PSD3: variants seen among roughly 807,000 people sequenced by gnomAD.
The protein encoded by PSD3 is PH and SEC7 domain-containing protein 3.
In PSD3, 49 loss-of-function variants were observed where a neutral mutation model predicts 105.5. That is an observed-to-expected ratio of 0.46 (90% CI 0.37 to 0.59). The LOEUF (loss-of-function observed/expected upper bound fraction) is 0.59, where lower values mean the gene tolerates loss of function less well. Among genes scored for constraint, PSD3 ranks in the 20% least tolerant of loss-of-function variants. The pLI is 0.00. For missense variants in PSD3, 1,561 were observed against 1,263.8 expected (o/e 1.24, Z -3.57); for synonymous variants, 557 against 457.8 (o/e 1.22, Z -2.77).
intron 1 of PSD3, among the ~76,000 whole-genome samples, chr8:18,999,085 A>G (rs979101439): frequency 4.6e-5 from 7 of 152,068 alleles, no homozygotes; most frequent in African/African-American, 4.8e-5. Flanking sequence ...TGTACACAAC[A>G]TAAGTGATGT....
chr8:18,757,493 G>A lies in PSD3; in HGVS notation c.2172+7956C>T, dbSNP rs923935721. On this transcript the variant is annotated intron_variant, in intron 9 of 15. Coordinates refer to ENST00000327040, the MANE Select transcript of PSD3 (RefSeq NM_015310.4). ...AAACAAACAAACAAACATTAACTGC[G>A]TAGAGAAAATTCAGATTCTACTCTT... Among the ~76,000 whole-genome samples, 4 of 151,930 alleles carry A rather than the reference G, an allele frequency of 2.6e-5. No homozygotes were observed. The East Asian group carries it at 7.7e-4, about 29-fold the overall frequency.
At chr8:18,629,871 A>T (rs1301614271) in intron 11 of PSD3, among the ~76,000 whole-genome samples, 2 of 151,984 alleles carry the variant, frequency 1.3e-5, no homozygotes, top group African/African-American at 4.8e-5. Flanking sequence ...ATTAGAAACC[A>T]TGCACATTCT....
intron 4 of PSD3, among the ~76,000 whole-genome samples, chr8:18,838,412 G>A (rs1216247177): frequency 3.3e-5 from 5 of 152,116 alleles, no homozygotes; most frequent in Admixed American, 2.6e-4. Flanking sequence ...CTTCATAAAT[G>A]TAAATATTAT....
chr8:18,752,693 G>T (rs1378633226), intron 9 of PSD3, among the ~76,000 whole-genome samples: 6 of 99,620 alleles, frequency 6.0e-5, no homozygotes, highest in Admixed American at 1.3e-4. Flanking sequence ...AATCATATAT[G>T]ATATAATATA....
At chr8:18,542,436 T>A (rs1800204674) in intron 15 of PSD3, among the ~76,000 whole-genome samples, 1 of 152,248 alleles carries the variant, frequency 6.6e-6, no homozygotes, top group Non-Finnish European at 1.5e-5. Context: ...GGACGGAATC[T>A]GCTGTTGGTA....
intron 9 of PSD3, among the ~76,000 whole-genome samples, chr8:18,709,489 G>A (rs898054713): frequency 1.1e-4 from 16 of 152,198 alleles, no homozygotes; most frequent in African/African-American, 3.9e-4. Context: ...TCTGCCAAGG[G>A]GCAGCCAGGC....
At chr8:18,747,096 T>C (rs1156239675) in intron 9 of PSD3, among the ~76,000 whole-genome samples, 1 of 152,228 alleles carries the variant, frequency 6.6e-6, no homozygotes, top group Admixed American at 6.5e-5. Context: ...GATTTTAAGA[T>C]TGAAAAGGGC....
chr8:18,887,810 C>T (rs540711959), intron 2 of PSD3, among the ~76,000 whole-genome samples: 32 of 152,184 alleles, frequency 2.1e-4, no homozygotes, highest in South Asian at 1.9e-3. Flanking sequence ...ATTTGGAGAA[C>T]GTTTCTGATA....
chr8:18,685,756 T>C (rs1276720931), intron 9 of PSD3, among the ~76,000 whole-genome samples: 1 of 152,196 alleles, frequency 6.6e-6, no homozygotes, highest in African/African-American at 2.4e-5. Flanking sequence ...AGTTCTAACT[T>C]AAGCAGACGA....
chr8:18,875,374 G>T (rs909792172), intron 2 of PSD3, among the ~76,000 whole-genome samples: 1 of 152,108 alleles, frequency 6.6e-6, no homozygotes, highest in Non-Finnish European at 1.5e-5. Flanking sequence ...TGAAAAAGAT[G>T]ATAGCTAAAA....
At chr8:18,894,787 G>C (rs542779334) in intron 2 of PSD3, among the ~76,000 whole-genome samples, 1 of 152,130 alleles carries the variant, frequency 6.6e-6, no homozygotes, top group Non-Finnish European at 1.5e-5. Flanking sequence ...AAAATACAAA[G>C]TAAACCATAA....
chr8:18,620,949 A>G (rs1410608522), intron 11 of PSD3, among the ~76,000 whole-genome samples: 4 of 152,234 alleles, frequency 2.6e-5, no homozygotes, highest in Non-Finnish European at 4.4e-5. Flanking sequence ...TTAAACCGAA[A>G]TCATAAACAG....
chr8:18,811,633 G>A lies in PSD3; in HGVS notation c.1635-6735C>T, dbSNP rs989732259. On this transcript the variant is annotated intron_variant, in intron 4 of 15. Coordinates refer to ENST00000327040, the MANE Select transcript of PSD3 (RefSeq NM_015310.4). The stretch of plus-strand genomic sequence containing the variant: ...GCCTCATGGAGAAGGCAACATTTGA[G>A]CAAGATGTAAAGGAGATAAGCCTTG... Among the ~76,000 whole-genome samples, 14 of 152,144 alleles carry A rather than the reference G, an allele frequency of 9.2e-5. 1 individual carries two copies. Among genetic ancestry groups the A allele is most frequent in the Admixed American group, 7.2e-4 (11 of 15,276 alleles).
chr8:18,931,785 G>C (rs901719895), intron 2 of PSD3, among the ~76,000 whole-genome samples: 1 of 152,192 alleles, frequency 6.6e-6, no homozygotes, highest in African/African-American at 2.4e-5. Context: ...CTCAGAGCCT[G>C]TTTACTCTGA....
At chr8:18,803,657 A>G (rs1810935938) in intron 6 of PSD3, among the ~76,000 whole-genome samples, 1 of 152,168 alleles carries the variant, frequency 6.6e-6, no homozygotes, top group African/African-American at 2.4e-5. Context: ...CCTTGAAGAC[A>G]TTATGCTAAG....
chr8:18,538,825 C>T (rs547297647), intron 15 of PSD3, among the ~76,000 whole-genome samples: 5 of 152,324 alleles, frequency 3.3e-5, no homozygotes, highest in Admixed American at 2.6e-4. Flanking sequence ...TAAATTACAT[C>T]AGTGTGTCAA....
intron 11 of PSD3, among the ~76,000 whole-genome samples, chr8:18,607,886 A>G (rs1006619311): frequency 6.6e-6 from 1 of 152,132 alleles, no homozygotes; most frequent in African/African-American, 2.4e-5. Flanking sequence ...TTCACATAGC[A>G]GCAGCAAGGA....
At chr8:18,797,065 T>C (rs1563279467) in intron 8 of PSD3, among the ~76,000 whole-genome samples, 2 of 152,122 alleles carry the variant, frequency 1.3e-5, no homozygotes, top group African/African-American at 2.4e-5. Context: ...ACTTACCACC[T>C]AGAAGAATAA....
intron 15 of PSD3, among the ~76,000 whole-genome samples, chr8:18,540,759 C>T (rs1241902706): frequency 1.3e-5 from 2 of 152,040 alleles, no homozygotes; most frequent in Admixed American, 6.5e-5. Context: ...AGTGTGTCAG[C>T]TCTGCCCAAA....
Sources: allele counts gnomAD v4.1 joint callset (sites outside exome capture counted in the v4.1 genomes callset), GRCh38; gene constraint gnomAD v4.1.1; transcripts MANE v1.5; gene names NCBI Gene and HGNC (gene_info 2026-07-23, HGNC 2026-07-21).